The following NAPB variants were observed in gnomAD, a reference collection of about 807,000 sequenced individuals.
NAPB encodes the protein beta-soluble NSF attachment protein.
Under a neutral mutation model 44.7 loss-of-function variants are expected in NAPB, and 26 were observed. The observed-to-expected ratio is 0.58, with a 90% confidence interval of 0.43 to 0.81. The LOEUF (loss-of-function observed/expected upper bound fraction) is 0.81, where lower values mean the gene tolerates loss of function less well. NAPB is among the 30% of genes least tolerant of loss of function. The pLI, the probability that NAPB is intolerant of heterozygous loss-of-function variation, is 0.00. For missense variants in NAPB, 315 were observed against 356.4 expected, an observed-to-expected ratio of 0.88 and a Z score of 0.94; for synonymous variants, 120 against 116.8, an observed-to-expected ratio of 1.03 and a Z score of -0.18.
At chr20:23,406,423 T>G (rs962781847) in intron 1 of NAPB, among the ~76,000 whole-genome samples, 5 of 152,092 alleles carry the variant, frequency 3.3e-5, no homozygotes, top group Non-Finnish European at 2.9e-5. Flanking sequence ...ACATTTTAAA[T>G]CAGTGAATTG....
At chr20:23,385,850 CT>C (rs1983477114) in intron 7 of NAPB, among the ~76,000 whole-genome samples, 1 of 152,026 alleles carries the variant, frequency 6.6e-6, no homozygotes, top group Non-Finnish European at 1.5e-5. Flanking sequence ...CCAACAGGAG[CT>C]AATCAACATT....
intron 7 of NAPB, among the ~76,000 whole-genome samples, chr20:23,385,747 GAGAGAGAA>G (rs1171322210): frequency 8.0e-5 from 12 of 149,806 alleles, no homozygotes; most frequent in Non-Finnish European, 1.2e-4. Flanking sequence ...GAGAAAGAGA[GAGAGAGAA>G]AGAGAGAAAG....
chr20:23,384,621 CA>C (rs1234991660), intron 7 of NAPB, among the ~76,000 whole-genome samples: 1 of 136,108 alleles, frequency 7.3e-6, no homozygotes, highest in East Asian at 2.1e-4. Context: ...GACCCAGTCT[CA>C]AAAAAAAAGA....
At chr20:23,420,822 A>G (rs951787573) in intron 1 of NAPB, among the ~76,000 whole-genome samples, 1 of 140,334 alleles carries the variant, frequency 7.1e-6, no homozygotes, top group East Asian at 2.2e-4. Context: ...CCCCCCCCAG[A>G]GTGTTCTAGG....
intron 1 of NAPB, among the ~76,000 whole-genome samples, chr20:23,405,553 A>G (rs1376153637): frequency 1.3e-5 from 2 of 152,000 alleles, no homozygotes; most frequent in African/African-American, 2.4e-5. Context: ...TGAAACCTCC[A>G]TCTCTAGTAA....
At chr20:23,389,488 C>A (rs1004324110) in intron 7 of NAPB, among the ~76,000 whole-genome samples, 3 of 152,098 alleles carry the variant, frequency 2.0e-5, no homozygotes. Flanking sequence ...TTGATAATAG[C>A]CCCAAAGTGG....
intron 2 of NAPB, among the ~76,000 whole-genome samples, chr20:23,402,068 A>G (rs956971298): frequency 2.0e-4 from 30 of 152,252 alleles, no homozygotes; most frequent in African/African-American, 7.2e-4. Flanking sequence ...GAAAAATAGC[A>G]TATCTAAAGC....
At position 23,421,466 on chromosome 20, in the gene NAPB, C is replaced by A; in HGVS notation, c.-64G>T. 1 of 1,432,904 alleles carries A rather than the reference C, an allele frequency of 7.0e-7. No individual in the cohort carries two copies. The highest frequency in any genetic ancestry group is 9.3e-7 in the Non-Finnish European group (1 of 1,069,564). The allele number at this position is 1,432,904 out of a possible 1,614,324, so 88.8% of individuals were successfully genotyped here. On this transcript the variant is annotated 5_prime_UTR_variant, in exon 1 of 11. The change creates a new upstream start codon in the 5' untranslated region. Transcript: ENST00000377026. ...CGCTGTGCGCCCAGGCGCCTTAACC[C>A]TCCCTCTGGCGGCCGCAGGGACGCA...
At chr20:23,418,604 C>T (rs2123277267) in intron 1 of NAPB, among the ~76,000 whole-genome samples, 1 of 152,234 alleles carries the variant, frequency 6.6e-6, no homozygotes, top group Admixed American at 6.5e-5. Flanking sequence ...TTGCATGGTA[C>T]ATTAATGGTT....
chr20:23,417,199 T>C (rs1986065785), intron 1 of NAPB, among the ~76,000 whole-genome samples: 1 of 151,260 alleles, frequency 6.6e-6, no homozygotes, highest in Non-Finnish European at 1.5e-5. Flanking sequence ...TTCTCCTGCC[T>C]CAGCCTACCA....
intron 1 of NAPB, among the ~76,000 whole-genome samples, chr20:23,411,969 C>T (rs757164362): frequency 1.4e-4 from 21 of 152,096 alleles, no homozygotes; most frequent in Admixed American, 3.3e-4. Context: ...GTACAAGAAA[C>T]ACAACTAAAA....
At chr20:23,418,216 T>C (rs761591375) in intron 1 of NAPB, among the ~76,000 whole-genome samples, 17 of 152,244 alleles carry the variant, frequency 1.1e-4, no homozygotes, top group Non-Finnish European at 1.9e-4. Flanking sequence ...GTGTGTTTTA[T>C]TAATTTTGTA....
chr20:23,395,386 T>C (rs1600577747), intron 3 of NAPB, among the ~76,000 whole-genome samples: 2 of 152,258 alleles, frequency 1.3e-5, no homozygotes. Flanking sequence ...GCAGCTATAG[T>C]ATAATTTAGG....
At chr20:23,382,499 C>T (rs150567419) in intron 7 of NAPB, among the ~76,000 whole-genome samples, 21 of 151,938 alleles carry the variant, frequency 1.4e-4, no homozygotes, top group African/African-American at 4.6e-4. Flanking sequence ...TCCAAAATAT[C>T]CCACGAAGAT....
intron 1 of NAPB, among the ~76,000 whole-genome samples, chr20:23,419,527 C>G (rs551394389): frequency 1.2e-4 from 19 of 152,362 alleles, no homozygotes; most frequent in African/African-American, 4.3e-4. Flanking sequence ...GTTACAGACT[C>G]TCCCACAGGG....
At chr20:23,419,291 T>C (rs1394482715) in intron 1 of NAPB, among the ~76,000 whole-genome samples, 3 of 152,240 alleles carry the variant, frequency 2.0e-5, no homozygotes, top group African/African-American at 7.2e-5. Flanking sequence ...TTTGTGTAAC[T>C]GAGTGTGAAT....
At chr20:23,413,769 C>G (rs1215516540) in intron 1 of NAPB, among the ~76,000 whole-genome samples, 1 of 151,642 alleles carries the variant, frequency 6.6e-6, no homozygotes, top group Non-Finnish European at 1.5e-5. Flanking sequence ...CAAAATTGAC[C>G]TCAGTAGAGA....
chr20:23,417,332 C>T (rs1367439664), intron 1 of NAPB, among the ~76,000 whole-genome samples: 1 of 152,220 alleles, frequency 6.6e-6, no homozygotes, highest in African/African-American at 2.4e-5. Context: ...GATCCACCCG[C>T]CTCGGCCTCC....
At chr20:23,382,666 A>G (rs1983110568) in intron 7 of NAPB, among the ~76,000 whole-genome samples, 1 of 152,022 alleles carries the variant, frequency 6.6e-6, no homozygotes, top group Admixed American at 6.6e-5. Flanking sequence ...AAAAAAAAAC[A>G]GTACCATACA....
Sources: gnomAD v4.1 joint callset for allele counts (sites outside exome capture counted in the v4.1 genomes callset) on GRCh38, gnomAD v4.1.1 for gene constraint, MANE v1.5 for transcripts, NCBI Gene and HGNC (gene_info 2026-07-23, HGNC 2026-07-21) for gene names.